Variants in CDH23 observed in about 807,000 individuals in gnomAD.
CDH23 encodes cadherin-23.
A neutral mutation model predicts 317.1 loss-of-function variants in CDH23; 189 were observed. The ratio of observed to expected loss-of-function variants is 0.60; its 90% CI spans 0.53 to 0.67. The LOEUF (loss-of-function observed/expected upper bound fraction) is 0.67, where lower values mean the gene tolerates loss of function less well. Ranked by LOEUF, CDH23 falls within the 30% of genes least tolerant of loss-of-function variation. The pLI is 0.00. For synonymous variants in CDH23, 1,839 were observed against 1,876.8 expected (o/e 0.98, Z 0.52); for missense variants, 4,401 against 4,592.4 (o/e 0.96, Z 1.20).
chr10:71,461,618 C>T (rs972026086), intron 3 of CDH23, among the ~76,000 whole-genome samples: 3 of 152,232 alleles, frequency 2.0e-5, no homozygotes, highest in Non-Finnish European at 2.9e-5. Flanking sequence ...GCTTGTACAT[C>T]TCCATGCACG....
Position 71,650,618 on chromosome 10 carries a change from A to G in CDH23, c.1449+4001A>G, listed in dbSNP as rs117339816. On this transcript the variant is annotated intron_variant, in intron 14 of 69. Transcript: ENST00000224721. ...TACATGCATTTGGGGATGTGCGTAC[A>G]CTATATGCACAAGTCTCATGTGCAC... is the stretch of plus-strand genomic sequence containing the variant. Among the ~76,000 whole-genome samples the G allele has an allele frequency of 5.9e-5, 9 of 152,330 alleles. No individual in the cohort carries two copies. The East Asian group carries it at 1.5e-3, about 26-fold the overall frequency.
At chr10:71,522,982 C>T (rs1054813537) in intron 6 of CDH23, among the ~76,000 whole-genome samples, 3 of 152,210 alleles carry the variant, frequency 2.0e-5, no homozygotes, top group African/African-American at 7.2e-5. Context: ...GCTTGTCTCA[C>T]ATCTTACGGC....
At chr10:71,750,575 G>C (rs1839972757) in intron 38 of CDH23, 1 of 152,376 alleles carries the variant, frequency 6.6e-6, no homozygotes, top group East Asian at 1.9e-4. Context: ...TGCTCACGGA[G>C]GCCACCATGC....
intron 1 of CDH23, among the ~76,000 whole-genome samples, chr10:71,422,123 TCAGACACATGG>T (rs200400523): frequency 0.021 from 3,195 of 152,298 alleles, 46 homozygotes; most frequent in Middle Eastern, 0.048. Context: ...ATTTTCTGAA[TCAGACACATGG>T]CAGACACATG....
At chr10:71,797,033 G>A in intron 48 of CDH23, 71 bp from the exon 49 acceptor site, 3 of 958,528 alleles carry the variant, frequency 3.1e-6, no homozygotes, top group Non-Finnish European at 4.9e-6. Context: ...GGTTTGGCCA[G>A]GAGCACCCCT....
intron 28 of CDH23, among the ~76,000 whole-genome samples, chr10:71,718,271 C>A (rs1367040628): frequency 6.6e-6 from 1 of 152,190 alleles, no homozygotes; most frequent in Non-Finnish European, 1.5e-5. Context: ...CCTGTCCCTA[C>A]CCCAGGCACT....
intron 6 of CDH23, among the ~76,000 whole-genome samples, chr10:71,553,626 G>A (rs1856720630): frequency 6.6e-6 from 1 of 152,236 alleles, no homozygotes; most frequent in Non-Finnish European, 1.5e-5. Flanking sequence ...CAGCAGGAGA[G>A]CTGCGTTGCT....
At chr10:71,407,027 G>C (rs1174057276) in intron 1 of CDH23, among the ~76,000 whole-genome samples, 1 of 152,234 alleles carries the variant, frequency 6.6e-6, no homozygotes, top group Non-Finnish European at 1.5e-5. Context: ...AGGGTCAGCT[G>C]TTACTCTTAT....
At chr10:71,753,212 T>C (rs1840051363) in intron 38 of CDH23, among the ~76,000 whole-genome samples, 2 of 152,218 alleles carry the variant, frequency 1.3e-5, no homozygotes, top group South Asian at 4.1e-4. Flanking sequence ...GAGGGGCCCA[T>C]TTTGACGACT....
intron 3 of CDH23, among the ~76,000 whole-genome samples, chr10:71,499,283 A>C (rs139587039): frequency 7.0e-4 from 107 of 152,280 alleles, no homozygotes; most frequent in African/African-American, 2.5e-3. Context: ...ATGAGTAAAA[A>C]AATATAGTTA....
Position 71,510,999 on chromosome 10 carries a change from G to T in CDH23, c.334G>T (p.Gly112Trp), listed in dbSNP as rs1431164164. ...GGAGTTCTCTGTCAGCGACCACCAG[G>T]GGGTGAGTGTTCCCTGGGGCCCTGG... ...TVEFSVSDHQ[G>W]VITRKVNIQV... The change falls in exon 5 of 70, where the codon GGG becomes TGG. Residue 112 changes from glycine (G) to tryptophan (W), a missense_variant and splice_region_variant. By Grantham distance (184) the Gly-to-Trp change is radical (BLOSUM62 -2). Around this residue, in one of 3 missense-constraint regions of CDH23, gnomAD observed 3,068 missense variants for 3,203.3 expected, o/e 0.96. Transcript: ENST00000224721. 1.9e-6 allele frequency: 3 copies of T among 1,613,932 alleles called. No individual in the cohort carries two copies. The highest frequency in any genetic ancestry group is 2.5e-6 in the Non-Finnish European group (3 of 1,179,842).
chr10:71,650,335 C>G (rs1476914588), intron 14 of CDH23, among the ~76,000 whole-genome samples: 1 of 152,196 alleles, frequency 6.6e-6, no homozygotes, highest in African/African-American at 2.4e-5. Flanking sequence ...GAAAGGTCCC[C>G]TGGAAGGAGG....
intron 6 of CDH23, among the ~76,000 whole-genome samples, chr10:71,532,735 T>TG: frequency 1.7e-5 from 2 of 115,494 alleles, no homozygotes; most frequent in Admixed American, 8.0e-5. Context: ...TTGTTTTTTT[T>TG]TTTTTTTTTT....
intron 38 of CDH23, among the ~76,000 whole-genome samples, chr10:71,776,884 G>A (rs1840827127): frequency 6.6e-6 from 1 of 152,272 alleles, no homozygotes; most frequent in African/African-American, 2.4e-5. Context: ...GCCAGGGTAA[G>A]GCAGTTAGTC....
chr10:71,812,580 G>C lies in CDH23; in HGVS notation c.9481G>C (p.Asp3161His), dbSNP rs554151826. Residue 3161 changes from aspartate to histidine, a missense_variant, in exon 67 of 70, where the codon GAC (aspartate) becomes CAC (histidine). By Grantham distance (81) the Asp-to-His change is moderately conservative. Coordinates refer to ENST00000224721, the MANE Select transcript of CDH23 (RefSeq NM_022124.6). ...ACCGGAGAACCTGAGTGAGATCGCCGACCTGTGGAACAGCCCCACGCGCAC... is the reference window on the plus strand; with the variant it reads ...ACCGGAGAACCTGAGTGAGATCGCCCACCTGTGGAACAGCCCCACGCGCAC... ...DLPENLSEIADLWNSPTRTHG... is the reference protein window; with the variant it reads ...DLPENLSEIAHLWNSPTRTHG... 29 of 1,613,910 alleles carry C rather than the reference G, an allele frequency of 1.8e-5. No individual in the cohort carries two copies. Among genetic ancestry groups the C allele is most frequent in the Non-Finnish European group, 2.3e-5 (27 of 1,179,898 alleles).
intron 11 of CDH23, chr10:71,623,058 C>A: frequency 1.7e-6 from 1 of 583,050 alleles, no homozygotes; most frequent in Non-Finnish European, 2.2e-6. Context: ...GTGCTAGGTC[C>A]TGGGGGGACT....
rs200251748 is a variant in CDH23, at chr10:71,805,932, G to C, written c.7999G>C (p.Asp2667His). The C allele has an allele frequency of 1.3e-4, 206 of 1,612,142 alleles. No individual in the cohort carries two copies. Among genetic ancestry groups the C allele is most frequent in the Admixed American group, 2.3e-4 (14 of 59,924 alleles). The change falls in exon 56 of 70, where the codon GAC becomes CAC. Residue 2667 changes from aspartate to histidine, a missense_variant. Coordinates refer to ENST00000224721, the MANE Select transcript of CDH23 (RefSeq NM_022124.6). Reference protein sequence around the residue: ...GNRDWEFFIIDPISGLIQTAQ... With the variant: ...GNRDWEFFIIHPISGLIQTAQ... ...CCGGGACTGGGAGTTCTTCATCATC[G>C]ACCCAATCAGCGGCCTCATCCAGAC...
chr10:71,540,935 A>G (rs1424746649), intron 6 of CDH23, among the ~76,000 whole-genome samples: 1 of 151,806 alleles, frequency 6.6e-6, no homozygotes, highest in Non-Finnish European at 1.5e-5. Flanking sequence ...TTCCACCCCA[A>G]AGTCTGGTTC....
Position 71,645,972 on chromosome 10 carries a change from G to A in CDH23, c.1282G>A (p.Asp428Asn), listed in dbSNP as rs188376296. ...PLDYETVDRY[D>N]FDLFANESVP... ...GGACTACGAGACCGTGGACCGCTAC[G>A]ACTTTGATGTAAGGCCCCACTCACT... Residue 428 changes from aspartate (D) to asparagine (N), a missense_variant, in exon 13 of 70, where the codon GAC (aspartate) becomes AAC (asparagine). This residue lies in a region of CDH23 where 3,068 missense variants were observed against 3,203.3 expected (regional missense o/e 0.96). Coordinates refer to ENST00000224721, the MANE Select transcript of CDH23 (RefSeq NM_022124.6). 250 of 1,611,670 alleles carry A rather than the reference G, an allele frequency of 1.6e-4. No homozygotes were observed. In the East Asian group the frequency reaches 4.7e-3, roughly 30 times the overall value.
Sources: gnomAD v4.1 joint callset for allele counts (sites outside exome capture counted in the v4.1 genomes callset) on GRCh38, gnomAD v4.1.1 for gene constraint, gnomAD v4.1.1 regional missense constraint, MANE v1.5 for transcripts, NCBI Gene and HGNC (gene_info 2026-07-23, HGNC 2026-07-21) for gene names.